The following BROX variants were observed in gnomAD, a reference collection of about 807,000 sequenced individuals.
BROX encodes BRO1 domain and CAAX motif containing.
Under a neutral mutation model 61.0 loss-of-function variants are expected in BROX, and 53 were observed. That is an observed-to-expected ratio of 0.87 (90% CI 0.70 to 1.09). The LOEUF (loss-of-function observed/expected upper bound fraction) is 1.09. Ranked by LOEUF, BROX falls within the 50% of genes least tolerant of loss-of-function variation. The pLI is 0.00. For synonymous variants in BROX, 152 were observed against 160.2 expected (o/e 0.95, Z 0.38); for missense variants, 489 against 472.0 (o/e 1.04, Z -0.33).
Position 222,723,981 on chromosome 1 carries a change from G to T in BROX, c.402-111G>T, listed in dbSNP as rs1657302338. Reference sequence around the variant, plus strand: ...TTTATTTTTAAAAGGAAGAAAATTAGCAGTGAGAAACATAAATGACTACTT... The same window carrying T: ...TTTATTTTTAAAAGGAAGAAAATTATCAGTGAGAAACATAAATGACTACTT... On this transcript the variant is annotated intron_variant, in intron 5 of 12. Transcript: ENST00000340934. 7.0e-6 allele frequency: 5 copies of T among 716,106 alleles called. No individual in the cohort carries two copies. In the Admixed American group the frequency reaches 1.6e-4, roughly 23 times the overall value. 44.4% of individuals were successfully genotyped at this position (716,106 alleles called of 1,614,324 possible). A position where few individuals can be genotyped will look rare whatever the true frequency, so the allele number is the denominator to read the frequency against.
chr1:222,713,406 G>C, intron 1 of BROX: 1 of 985,624 alleles, frequency 1.0e-6, no homozygotes, highest in Non-Finnish European at 1.2e-6. Flanking sequence ...GAGCTCGGGG[G>C]CGGCGCTCAG....
intron 6 of BROX, 25 bp from the exon 7 acceptor site, chr1:222,725,425 T>A (rs1401321580): frequency 2.0e-6 from 3 of 1,521,934 alleles, no homozygotes; most frequent in South Asian, 2.4e-5. Context: ...GCTTTGTTTT[T>A]TGTCTTTTTT....
At chr1:222,719,987 T>C (rs2125009917) in intron 4 of BROX, among the ~76,000 whole-genome samples, 1 of 152,332 alleles carries the variant, frequency 6.6e-6, no homozygotes, top group Middle Eastern at 3.4e-3. Flanking sequence ...TATATTTTAA[T>C]CCCAATTTGC....
chr1:222,721,373 CT>C (rs199661132), intron 4 of BROX, among the ~76,000 whole-genome samples: 15,048 of 131,386 alleles, frequency 0.11, 1,009 homozygotes, highest in African/African-American at 0.25. Context: ...TTTTATAACA[CT>C]TTTTTTTTTT....
At chr1:222,732,331 A>G (rs1658002242) in intron 12 of BROX, among the ~76,000 whole-genome samples, 1 of 152,186 alleles carries the variant, frequency 6.6e-6, no homozygotes, top group Non-Finnish European at 1.5e-5. Flanking sequence ...GTCATTTAGC[A>G]TTAGGTATAT....
intron 5 of BROX, among the ~76,000 whole-genome samples, chr1:222,723,231 C>T (rs1051130949): frequency 1.3e-5 from 2 of 152,302 alleles, no homozygotes; most frequent in South Asian, 2.1e-4. Context: ...CATGTATATG[C>T]ATTAAGTGTG....
At chr1:222,719,133 G>A in intron 3 of BROX, 102 bp downstream of exon 3, 1 of 1,284,506 alleles carries the variant, frequency 7.8e-7, no homozygotes. Context: ...CTTCCAGACT[G>A]TATTCTTTGG....
At chr1:222,726,884 G>GA (rs1052258812) in intron 7 of BROX, among the ~76,000 whole-genome samples, 6 of 151,986 alleles carry the variant, frequency 3.9e-5, no homozygotes, top group Non-Finnish European at 1.5e-5. Flanking sequence ...CCCTGTCTCA[G>GA]AAAAAAAGAA....
chr1:222,716,483 A>G (rs1466179272), intron 2 of BROX, among the ~76,000 whole-genome samples: 1 of 152,256 alleles, frequency 6.6e-6, no homozygotes, highest in Non-Finnish European at 1.5e-5. Context: ...AATGGCCTTC[A>G]AAGTGTTCAC....
intron 4 of BROX, among the ~76,000 whole-genome samples, chr1:222,721,224 A>AG (rs1657076337): frequency 6.6e-6 from 1 of 152,222 alleles, no homozygotes; most frequent in Non-Finnish European, 1.5e-5. Flanking sequence ...AGTGCAGAAA[A>AG]TAATAAGCTA....
At chr1:222,715,973 T>G (rs1342575160) in intron 2 of BROX, among the ~76,000 whole-genome samples, 173 bp downstream of exon 2, 1 of 152,232 alleles carries the variant, frequency 6.6e-6, no homozygotes, top group Non-Finnish European at 1.5e-5. Context: ...GGATCCTTAA[T>G]TTTAGATCAG....
intron 8 of BROX, among the ~76,000 whole-genome samples, 190 bp downstream of exon 8, chr1:222,727,447 G>GA (rs1657588754): frequency 6.6e-6 from 1 of 152,156 alleles, no homozygotes; most frequent in Non-Finnish European, 1.5e-5. Context: ...TAATGGAGGG[G>GA]AAAACCAGTG....
chr1:222,719,048 A>G lies in BROX; in HGVS notation c.208+17A>G, dbSNP rs1656860950. The G allele has an allele frequency of 6.3e-7, 1 of 1,581,428 alleles. No individual in the cohort carries two copies. The highest frequency in any genetic ancestry group is 8.6e-7 in the Non-Finnish European group (1 of 1,162,634). ...TTTTACAAGGTTAGTTATTTATATG[A>G]ACTTGAGGTTTTTTAAAAAACTGTC... On this transcript the variant is annotated intron_variant, in intron 3 of 12. Transcript: ENST00000340934.
chr1:222,723,962 T>C, intron 5 of BROX, 130 bp from the exon 6 acceptor site: 1 of 678,452 alleles, frequency 1.5e-6, no homozygotes, highest in Admixed American at 3.4e-5. Context: ...TAGATTTATT[T>C]TTAAAAGGAA....
rs1658116398 is a variant in BROX, at chr1:222,733,720, G to T, written c.*1006G>T. 1 of 152,128 alleles carries T rather than the reference G, an allele frequency of 6.6e-6. No individual in the cohort carries two copies. The highest frequency in any genetic ancestry group is 1.5e-5 in the Non-Finnish European group (1 of 68,012). 9.4% of individuals were successfully genotyped at this position (152,128 alleles called of 1,614,324 possible). ...TGCTTCATTCAGTATCAGTAACCCT[G>T]CAATGATTTTTACAAATATCTTTTT... is the stretch of plus-strand genomic sequence containing the variant. On this transcript the variant is annotated 3_prime_UTR_variant, in exon 13 of 13. Transcript: ENST00000340934.
intron 1 of BROX, chr1:222,713,364 A>G (rs1571952841): frequency 1.0e-6 from 1 of 984,044 alleles, no homozygotes; most frequent in Non-Finnish European, 1.2e-6. Context: ...CGGGAGGAAG[A>G]GGCTGGGTGG....
intron 6 of BROX, among the ~76,000 whole-genome samples, chr1:222,724,525 A>G (rs1482723107): frequency 6.6e-6 from 1 of 152,186 alleles, no homozygotes; most frequent in East Asian, 1.9e-4. Flanking sequence ...GATTCTGCAA[A>G]ACTGAACTTC....
At chr1:222,722,336 A>G in intron 4 of BROX, 83 bp from the exon 5 acceptor site, 1 of 1,148,110 alleles carries the variant, frequency 8.7e-7, no homozygotes, top group Non-Finnish European at 1.3e-6. Flanking sequence ...CTTCTTTGTA[A>G]TTTTGAGTCG....
intron 4 of BROX, among the ~76,000 whole-genome samples, chr1:222,720,142 C>T (rs2125010391): frequency 6.6e-6 from 1 of 152,272 alleles, no homozygotes; most frequent in South Asian, 2.1e-4. Flanking sequence ...ACTGCATGAA[C>T]ATCTGCTTCT....
Sources: allele counts gnomAD v4.1 joint callset (sites outside exome capture counted in the v4.1 genomes callset), GRCh38; gene constraint gnomAD v4.1.1; transcripts MANE v1.5; gene names NCBI Gene and HGNC (gene_info 2026-07-23, HGNC 2026-07-21).